Variants in LPL observed in about 807,000 individuals in gnomAD.
LPL encodes the protein phospholipase A1.
Under a neutral mutation model 52.2 loss-of-function variants are expected in LPL, and 43 were observed. The observed-to-expected ratio is 0.82, with a 90% CI of 0.64 to 1.06. The LOEUF (loss-of-function observed/expected upper bound fraction) is 1.06, where lower values mean the gene tolerates loss of function less well. Ranked by LOEUF, LPL falls within the 50% of genes least tolerant of loss-of-function variation. The pLI, the probability that LPL is intolerant of heterozygous loss-of-function variation, is 0.00. For synonymous variants in LPL, 244 were observed against 215.6 expected (o/e 1.13, Z -1.15); for missense variants, 639 against 585.3 (o/e 1.09, Z -0.95).
intron 7 of LPL, among the ~76,000 whole-genome samples, 181 bp downstream of exon 7, chr8:19,959,561 CATTTT>C (rs1174428800): frequency 6.6e-6 from 1 of 151,980 alleles, no homozygotes; most frequent in African/African-American, 2.4e-5. Flanking sequence ...TCAAATTGGC[CATTTT>C]ATTTTCACTT....
intron 7 of LPL, among the ~76,000 whole-genome samples, chr8:19,960,040 C>T (rs1463417049): frequency 2.0e-5 from 3 of 151,916 alleles, no homozygotes; most frequent in Admixed American, 2.0e-4. Flanking sequence ...CCACCCGCCT[C>T]GGCCTCCCAA....
chr8:19,956,546 T>C (rs1276905915), intron 6 of LPL, among the ~76,000 whole-genome samples: 2 of 152,174 alleles, frequency 1.3e-5, no homozygotes, highest in Admixed American at 6.5e-5. Flanking sequence ...GTCCAGAATA[T>C]TCCATCACCC....
At position 19,954,145 on chromosome 8, in the gene LPL, T is replaced by C. The variant is rs2069961414; in HGVS notation, c.567T>C (p.Phe189=). The C allele has an allele frequency of 1.2e-6, 2 of 1,614,034 alleles. No individual in the cohort carries two copies. The highest frequency in any genetic ancestry group is 1.1e-5 in the South Asian group (1 of 91,084). The part of the protein sequence containing the change: ...ITGLDPAGPN[F]EYAEAPSRLS... ...GCCTCGATCCAGCTGGACCTAACTT[T>C]GAGTATGCAGAAGCCCCGAGTCGTC... Residue 189 remains phenylalanine, a synonymous_variant, in exon 5 of 10, where the codon TTT becomes TTC. Coordinates refer to ENST00000650287, the MANE Select transcript of LPL (RefSeq NM_000237.3).
intron 1 of LPL, among the ~76,000 whole-genome samples, chr8:19,943,601 G>A (rs1031045): frequency 0.12 from 18,003 of 152,164 alleles, 2,964 homozygotes; most frequent in African/African-American, 0.38. Flanking sequence ...AACCAGGTAA[G>A]TATTTTGTAT....
intron 8 of LPL, 30 bp from the exon 9 acceptor site, chr8:19,962,085 T>C: frequency 7.1e-7 from 1 of 1,402,764 alleles, no homozygotes; most frequent in South Asian, 1.2e-5. Flanking sequence ...TTGTTCTACA[T>C]GGCATATTCA....
chr8:19,952,154 T>C (rs1449247206), intron 3 of LPL, among the ~76,000 whole-genome samples: 1 of 152,208 alleles, frequency 6.6e-6, no homozygotes, highest in African/African-American at 2.4e-5. Flanking sequence ...AGTCCTGCCC[T>C]GCTCTATCGT....
rs375355233 is a variant in LPL at position 19,966,625 on chromosome 8, T to C, written c.*1315T>C. ...TGAAAGTATGTGATATCTGAACACA[T>C]ACTAGAAAGCTCTGCATGTGTGTTG... is the stretch of plus-strand genomic sequence containing the variant. On this transcript the variant is annotated 3_prime_UTR_variant, in exon 10 of 10. Transcript: ENST00000650287. 2.6e-5 allele frequency: 4 copies of C among 152,162 alleles called. No homozygotes were observed. Among genetic ancestry groups the C allele is most frequent in the African/African-American group, 9.7e-5 (4 of 41,428 alleles). The allele number at this position is 152,162 out of a possible 1,614,324, so 9.4% of individuals were successfully genotyped here. A position where few individuals can be genotyped will look rare whatever the true frequency, so the allele number is the denominator to read the frequency against.
intron 1 of LPL, among the ~76,000 whole-genome samples, chr8:19,943,600 A>C (rs968520863): frequency 6.6e-6 from 1 of 152,190 alleles, no homozygotes; most frequent in African/African-American, 2.4e-5. Flanking sequence ...TAACCAGGTA[A>C]GTATTTTGTA....
Position 19,965,590 on chromosome 8 carries a change from G to T in LPL, c.*280G>T. On this transcript the variant is annotated 3_prime_UTR_variant, in exon 10 of 10. Transcript: ENST00000650287. ...AAGTGCTGTTTTGTCCTTTGAGAAAGAAATAATTGTTTGAGCGCAGAGTAA... is the reference window on the plus strand; with the variant it reads ...AAGTGCTGTTTTGTCCTTTGAGAAATAAATAATTGTTTGAGCGCAGAGTAA... 4.7e-6 allele frequency: 2 copies of T among 424,486 alleles called. No homozygotes were observed. Among genetic ancestry groups the T allele is most frequent in the Non-Finnish European group, 8.4e-6 (2 of 237,018 alleles). 26.3% of individuals were successfully genotyped at this position (424,486 alleles called of 1,614,324 possible). A position where few individuals can be genotyped will look rare whatever the true frequency, so the allele number is the denominator to read the frequency against.
At chr8:19,960,308 AT>A (rs889847460) in intron 7 of LPL, among the ~76,000 whole-genome samples, 4 of 152,152 alleles carry the variant, frequency 2.6e-5, no homozygotes, top group East Asian at 1.9e-4. Context: ...GAAGGGAGTG[AT>A]TTTTTTCTAA....
At chr8:19,940,315 G>GGGTT (rs1000365481) in intron 1 of LPL, among the ~76,000 whole-genome samples, 2 of 152,214 alleles carry the variant, frequency 1.3e-5, no homozygotes, top group African/African-American at 4.8e-5. Flanking sequence ...CCGACTCGGG[G>GGGTT]GGTTGCCAGG....
intron 8 of LPL, among the ~76,000 whole-genome samples, chr8:19,961,411 G>C (rs984160998): frequency 6.6e-6 from 1 of 151,344 alleles, no homozygotes; most frequent in African/African-American, 2.4e-5. Flanking sequence ...AATAGTTAGG[G>C]AACAAACCTC....
chr8:19,953,717 G>C (rs548716414), intron 4 of LPL, among the ~76,000 whole-genome samples: 55 of 99,338 alleles, frequency 5.5e-4, no homozygotes, highest in Non-Finnish European at 6.7e-4. Context: ...TGTTTTAGTA[G>C]TGTAAATGCA....
chr8:19,948,119 T>A (rs2069899209), intron 1 of LPL, 61 bp from the exon 2 acceptor site: 2 of 1,547,004 alleles, frequency 1.3e-6, no homozygotes, highest in African/African-American at 2.7e-5. Flanking sequence ...AAACATATCA[T>A]TCCAATGAAT....
chr8:19,953,655 C>A (rs777961644), intron 4 of LPL, among the ~76,000 whole-genome samples: 17 of 152,186 alleles, frequency 1.1e-4, no homozygotes, highest in Non-Finnish European at 2.1e-4. Flanking sequence ...TAATTACACA[C>A]AATGCCTGCA....
At chr8:19,940,070 A>T (rs1188310848) in intron 1 of LPL, among the ~76,000 whole-genome samples, 1 of 152,132 alleles carries the variant, frequency 6.6e-6, no homozygotes, top group Non-Finnish European at 1.5e-5. Flanking sequence ...CGCACGGGGT[A>T]CGCTCGCCCT....
chr8:19,951,836 C>T lies in LPL; in HGVS notation c.317C>T (p.Ser106Phe). The T allele has an allele frequency of 6.2e-7, 1 of 1,614,160 alleles. No individual in the cohort carries two copies. The highest frequency in any genetic ancestry group is 8.5e-7 in the Non-Finnish European group (1 of 1,180,044). The change falls in exon 3 of 10, where the codon TCC becomes TTC. Residue 106 changes from serine to phenylalanine, a missense_variant. Physicochemically the swap from Ser to Phe is radical, Grantham distance 155. Coordinates refer to ENST00000650287, the MANE Select transcript of LPL (RefSeq NM_000237.3). Reference protein sequence around the residue: ...VAALYKREPDSNVIVVDWLSR... With the variant: ...VAALYKREPDFNVIVVDWLSR... ...GCCCTGTACAAGAGAGAACCAGACT[C>T]CAATGTCATTGTGGTGGACTGGCTG...
Position 19,965,745 on chromosome 8 carries a change from G to T in LPL, c.*435G>T. ...TTTACTCTAAGTCTCCAAGAATACA[G>T]AAAATGCTTTTCCGCGGCACGAATC... On this transcript the variant is annotated 3_prime_UTR_variant, in exon 10 of 10. Transcript: ENST00000650287. 1 of 164,198 alleles carries T rather than the reference G, an allele frequency of 6.1e-6. No individual in the cohort carries two copies. The highest frequency in any genetic ancestry group is 1.3e-5 in the Non-Finnish European group (1 of 75,840). The allele number at this position is 164,198 out of a possible 1,614,324, so 10.2% of individuals were successfully genotyped here.
At chr8:19,949,483 G>A (rs1265871073) in intron 2 of LPL, among the ~76,000 whole-genome samples, 2 of 152,110 alleles carry the variant, frequency 1.3e-5, no homozygotes, top group South Asian at 4.2e-4. Context: ...GTAGGAAAAA[G>A]GAATCTTTTT....
Sources: gnomAD v4.1 joint callset for allele counts (sites outside exome capture counted in the v4.1 genomes callset) on GRCh38, gnomAD v4.1.1 for gene constraint, MANE v1.5 for transcripts, NCBI Gene and HGNC (gene_info 2026-07-23, HGNC 2026-07-21) for gene names.